The following TDRD5 variants were observed in gnomAD, a reference collection of about 807,000 sequenced individuals.
The protein encoded by TDRD5 is tudor domain-containing protein 5.
TDRD5 carries 41 observed loss-of-function variants against 120.6 expected under a neutral mutation model. That is an observed-to-expected ratio of 0.34 (90% CI 0.26 to 0.44). The LOEUF (loss-of-function observed/expected upper bound fraction) is 0.44, where lower values mean the gene tolerates loss of function less well. Ranked by LOEUF, TDRD5 falls within the 20% of genes least tolerant of loss-of-function variation. The pLI is 1.00. For synonymous variants in TDRD5, 430 were observed against 433.7 expected, an observed-to-expected ratio of 0.99 and a Z score of 0.11; for missense variants, 1,006 against 1,221.2, an observed-to-expected ratio of 0.82 and a Z score of 2.63.
At chr1:179,628,199 C>T (rs1038621758) in intron 6 of TDRD5, among the ~76,000 whole-genome samples, 17 of 151,418 alleles carry the variant, frequency 1.1e-4, no homozygotes, top group African/African-American at 4.1e-4. Context: ...GATATATACA[C>T]ATATTTTAAG....
At chr1:179,676,757 C>G (rs1680166197) in intron 17 of TDRD5, among the ~76,000 whole-genome samples, 1 of 152,216 alleles carries the variant, frequency 6.6e-6, no homozygotes, top group Non-Finnish European at 1.5e-5. Flanking sequence ...TTACCTGATG[C>G]TTTTGCCTCA....
intron 6 of TDRD5, among the ~76,000 whole-genome samples, chr1:179,624,720 C>T (rs1283254562): frequency 6.6e-6 from 1 of 152,024 alleles, no homozygotes; most frequent in Non-Finnish European, 1.5e-5. Context: ...AACTAATAAA[C>T]ATTGTTGAGA....
rs72314884 is a variant in TDRD5, at chr1:179,642,106, C to CT, written c.1800+1672dup. Among the ~76,000 whole-genome samples, 379 of 145,562 alleles carry CT rather than the reference C, an allele frequency of 2.6e-3. 1 individual carries two copies. The highest frequency in any genetic ancestry group is 6.3e-3 in the African/African-American group (248 of 39,608). On this transcript the variant is annotated intron_variant, in intron 11 of 17. Coordinates refer to ENST00000444136, the MANE Select transcript of TDRD5 (RefSeq NM_001199085.3). ...CCTTCTTACTTTCTTTTTTTCTTTT[C>CT]TTTTTTTTTTTGGAGACGGAGTCTT...
At chr1:179,600,875 T>C (rs1675667247) in intron 4 of TDRD5, among the ~76,000 whole-genome samples, 1 of 152,212 alleles carries the variant, frequency 6.6e-6, no homozygotes, top group Admixed American at 6.5e-5. Context: ...GGTTTTTTCT[T>C]TGTATCATGG....
At chr1:179,662,790 A>G (rs1259144521) in intron 15 of TDRD5, among the ~76,000 whole-genome samples, 2 of 152,210 alleles carry the variant, frequency 1.3e-5, no homozygotes, top group Non-Finnish European at 2.9e-5. Flanking sequence ...AATAAACCAT[A>G]GGCCAATTTT....
chr1:179,639,750 G>C (rs1387117153), intron 9 of TDRD5, 89 bp from the exon 10 acceptor site: 5 of 1,395,000 alleles, frequency 3.6e-6, no homozygotes, highest in Non-Finnish European at 4.9e-6. Flanking sequence ...TTTGCTTTTT[G>C]CCAAGACTTT....
At chr1:179,663,244 T>A (rs981422268) in intron 15 of TDRD5, 104 bp from the exon 16 acceptor site, 61 of 1,331,768 alleles carry the variant, frequency 4.6e-5, no homozygotes, top group East Asian at 1.2e-4. Flanking sequence ...ATACCTTTTT[T>A]AAAAATATGT....
At chr1:179,623,096 A>G (rs1676922813) in intron 6 of TDRD5, among the ~76,000 whole-genome samples, 1 of 152,214 alleles carries the variant, frequency 6.6e-6, no homozygotes, top group East Asian at 1.9e-4. Context: ...TCTTTAATGT[A>G]CTCAAAAGAA....
At chr1:179,646,221 C>T (rs1221479328) in intron 11 of TDRD5, among the ~76,000 whole-genome samples, 2 of 152,168 alleles carry the variant, frequency 1.3e-5, no homozygotes, top group African/African-American at 4.8e-5. Context: ...CTAGGAAATA[C>T]AACATGCATA....
At chr1:179,607,301 G>C (rs1467647938) in intron 4 of TDRD5, among the ~76,000 whole-genome samples, 1 of 152,054 alleles carries the variant, frequency 6.6e-6, no homozygotes, top group Non-Finnish European at 1.5e-5. Flanking sequence ...TGCTATAATT[G>C]CTAATTAGTT....
chr1:179,634,125 C>G (rs190611700), intron 7 of TDRD5, among the ~76,000 whole-genome samples: 1 of 150,644 alleles, frequency 6.6e-6, no homozygotes, highest in South Asian at 2.1e-4. Flanking sequence ...GAGCCGAGAT[C>G]GCACCACTGC....
chr1:179,634,441 G>T lies in TDRD5; in HGVS notation c.1127-16G>T, dbSNP rs377114699. On this transcript the variant is annotated splice_polypyrimidine_tract_variant and intron_variant, in intron 7 of 17. Transcript: ENST00000444136. Reference sequence around the variant, plus strand: ...TTGAGATGGAGTTGTTTCATCAGTCGGAAATTTGTGTTTAGTTCAGTCAGA... The same window carrying T: ...TTGAGATGGAGTTGTTTCATCAGTCTGAAATTTGTGTTTAGTTCAGTCAGA... 5 of 1,582,874 alleles carry T rather than the reference G, an allele frequency of 3.2e-6. No individual in the cohort carries two copies. Among genetic ancestry groups the T allele is most frequent in the Non-Finnish European group, 4.3e-6 (5 of 1,171,164 alleles).
intron 5 of TDRD5, among the ~76,000 whole-genome samples, chr1:179,620,333 C>G (rs1198583081): frequency 2.0e-5 from 3 of 151,896 alleles, no homozygotes; most frequent in Non-Finnish European, 4.4e-5. Flanking sequence ...TAGAGTAAGT[C>G]TACCTTTAGG....
intron 11 of TDRD5, among the ~76,000 whole-genome samples, chr1:179,647,875 T>C (rs1393970984): frequency 1.4e-5 from 2 of 146,950 alleles, no homozygotes; most frequent in Non-Finnish European, 3.0e-5. Context: ...ATCAGAGAAA[T>C]GCAAATCAAA....
intron 17 of TDRD5, among the ~76,000 whole-genome samples, chr1:179,673,287 T>G (rs893155226): frequency 9.9e-5 from 15 of 152,190 alleles, no homozygotes; most frequent in African/African-American, 3.6e-4. Flanking sequence ...AGTGTTTTGT[T>G]TTTCTCCATA....
At position 179,690,677 on chromosome 1, in the gene TDRD5, T is replaced by C; in HGVS notation, c.2861-19T>C. 1.9e-6 allele frequency: 3 copies of C among 1,609,314 alleles called. No individual in the cohort carries two copies. Among genetic ancestry groups the C allele is most frequent in the Admixed American group, 3.4e-5 (2 of 59,522 alleles). The stretch of plus-strand genomic sequence containing the variant: ...TGAGTACCCCTTGAAAAGATGTTTG[T>C]GTACTCTTTCTTTTCCAGTGGAAAG... On this transcript the variant is annotated intron_variant, in intron 17 of 17. Transcript: ENST00000444136.
chr1:179,643,992 C>G (rs933459638), intron 11 of TDRD5, among the ~76,000 whole-genome samples: 1 of 152,120 alleles, frequency 6.6e-6, no homozygotes, highest in Non-Finnish European at 1.5e-5. Context: ...TAATAACTAA[C>G]TGCCCATTGA....
intron 4 of TDRD5, among the ~76,000 whole-genome samples, chr1:179,602,787 G>A (rs1558371954): frequency 6.6e-6 from 1 of 152,098 alleles, no homozygotes; most frequent in Non-Finnish European, 1.5e-5. Context: ...TAGCCTTATA[G>A]TATAGTTTGA....
At chr1:179,651,142 A>G (rs1678690106) in intron 12 of TDRD5, 75 bp downstream of exon 12, 5 of 1,495,002 alleles carry the variant, frequency 3.3e-6, no homozygotes, top group Non-Finnish European at 2.7e-6. Flanking sequence ...TAATTTAATA[A>G]AGAAGTTTAT....
Sources: gnomAD v4.1 joint callset for allele counts (sites outside exome capture counted in the v4.1 genomes callset) on GRCh38, gnomAD v4.1.1 for gene constraint, MANE v1.5 for transcripts, NCBI Gene and HGNC (gene_info 2026-07-23, HGNC 2026-07-21) for gene names.